Variants in TNS3 observed in about 807,000 individuals in gnomAD.
The protein encoded by TNS3 is tensin-3.
Under a neutral mutation model 140.9 loss-of-function variants are expected in TNS3, and 45 were observed. That is an observed-to-expected ratio of 0.32 (90% CI 0.25 to 0.41). The LOEUF (loss-of-function observed/expected upper bound fraction) is 0.41, where lower values mean the gene tolerates loss of function less well. Among genes scored for constraint, TNS3 ranks in the 10% least tolerant of loss-of-function variants. The probability of loss-of-function intolerance (pLI) is 1.00; values close to 1 mark genes in which losing one functional copy is unlikely to be tolerated. For missense variants in TNS3, 1,716 were observed against 1,906.7 expected (o/e 0.90, Z 1.86); for synonymous variants, 815 against 788.4 (o/e 1.03, Z -0.56).
chr7:47,578,657 A>G (rs1449130630), intron 1 of TNS3, among the ~76,000 whole-genome samples: 2 of 151,780 alleles, frequency 1.3e-5, no homozygotes, highest in Non-Finnish European at 2.9e-5. Flanking sequence ...CAATGGAGAC[A>G]CCCGAGGGAC....
intron 1 of TNS3, among the ~76,000 whole-genome samples, chr7:47,562,709 G>A (rs957399310): frequency 2.0e-5 from 3 of 152,130 alleles, no homozygotes; most frequent in Non-Finnish European, 2.9e-5. Context: ...CTACTGGAGT[G>A]CAACATTTCA....
At chr7:47,423,901 TCACCACAGA>T (rs531158336) in intron 10 of TNS3, among the ~76,000 whole-genome samples, 191 bp downstream of exon 10, 141 of 152,256 alleles carry the variant, frequency 9.3e-4, no homozygotes, top group Non-Finnish European at 1.9e-3. Flanking sequence ...GGGCTGTCTC[TCACCACAGA>T]CACACAGGAT....
At chr7:47,559,699 T>A (rs1800284088) in intron 1 of TNS3, among the ~76,000 whole-genome samples, 1 of 151,918 alleles carries the variant, frequency 6.6e-6, no homozygotes, top group Non-Finnish European at 1.5e-5. Context: ...ATGGCCCCAG[T>A]CTCCCTGGGG....
chr7:47,390,648 C>G (rs766543765), intron 16 of TNS3, among the ~76,000 whole-genome samples: 10 of 152,178 alleles, frequency 6.6e-5, no homozygotes, highest in South Asian at 2.1e-4. Flanking sequence ...GAGCTGCACT[C>G]AAAAAGTCCT....
intron 13 of TNS3, 59 bp downstream of exon 13, chr7:47,411,667 AG>A: frequency 6.6e-7 from 1 of 1,506,782 alleles, no homozygotes; most frequent in Non-Finnish European, 9.1e-7. Flanking sequence ...CATGATTTCA[AG>A]TCATCACCAC....
At chr7:47,414,199 G>T (rs577793817) in intron 11 of TNS3, among the ~76,000 whole-genome samples, 2 of 152,296 alleles carry the variant, frequency 1.3e-5, no homozygotes, top group South Asian at 4.1e-4. Flanking sequence ...GAGCAACACA[G>T]TTTGACCTTT....
chr7:47,582,392 G>A (rs1317332837), upstream of TNS3: 1 of 456,218 alleles, frequency 2.2e-6, no homozygotes, highest in Non-Finnish European at 4.4e-6. Context: ...GTGGTCTGGA[G>A]GCTTGCAGGT....
chr7:47,316,554 G>GTTT (rs113062808), intron 20 of TNS3, among the ~76,000 whole-genome samples: 17 of 143,104 alleles, frequency 1.2e-4, no homozygotes, highest in Non-Finnish European at 1.5e-4. Context: ...GTTTGTTTTT[G>GTTT]TTTTTTTTTT....
intron 27 of TNS3, among the ~76,000 whole-genome samples, chr7:47,291,523 C>T (rs976736881): frequency 6.6e-6 from 1 of 152,070 alleles, no homozygotes; most frequent in African/African-American, 2.4e-5. Flanking sequence ...TTTAAGTGAC[C>T]TGCTCTGTCT....
intron 2 of TNS3, among the ~76,000 whole-genome samples, chr7:47,507,500 G>A (rs1237085960): frequency 6.6e-6 from 1 of 152,158 alleles, no homozygotes; most frequent in East Asian, 1.9e-4. Context: ...GCCAACCTGA[G>A]AACTGACTGT....
At chr7:47,358,515 C>T (rs1048202027) in intron 17 of TNS3, among the ~76,000 whole-genome samples, 10 of 152,186 alleles carry the variant, frequency 6.6e-5, no homozygotes. Flanking sequence ...ACCTTCAGGG[C>T]CACATGGGCT....
Position 47,277,906 on chromosome 7 carries a change from G to A in TNS3, c.*170C>T, listed in dbSNP as rs184589173. ...TCACTTTCAGGAAAGGCCAATTCAC[G>A]GTGATGTTGTTTGTTCTTGTTTTTG... On this transcript the variant is annotated 3_prime_UTR_variant, in exon 31 of 31. Transcript: ENST00000311160. 49 of 784,498 alleles carry A rather than the reference G, an allele frequency of 6.2e-5. No homozygotes were observed. The highest frequency in any genetic ancestry group is 3.9e-4 in the African/African-American group (23 of 58,616). The allele number at this position is 784,498 out of a possible 1,614,324, so 48.6% of individuals were successfully genotyped here.
intron 2 of TNS3, among the ~76,000 whole-genome samples, chr7:47,523,794 C>T (rs1037109094): frequency 4.6e-5 from 7 of 152,252 alleles, no homozygotes; most frequent in African/African-American, 9.6e-5. Flanking sequence ...CCAGTTCTCT[C>T]TGCAAAAAGC....
intron 1 of TNS3, among the ~76,000 whole-genome samples, chr7:47,541,765 G>A (rs543154991): frequency 2.7e-4 from 41 of 152,076 alleles, no homozygotes; most frequent in African/African-American, 9.4e-4. Context: ...TGGCTAACAC[G>A]GTGAAACCCT....
chr7:47,362,121 A>AG (rs1255430902), intron 17 of TNS3, among the ~76,000 whole-genome samples: 1 of 152,196 alleles, frequency 6.6e-6, no homozygotes, highest in Non-Finnish European at 1.5e-5. Flanking sequence ...AGCAGCACCC[A>AG]GGGGCTCTTC....
chr7:47,441,361 A>G (rs774267949), intron 5 of TNS3, among the ~76,000 whole-genome samples: 2 of 152,114 alleles, frequency 1.3e-5, no homozygotes, highest in African/African-American at 2.4e-5. Context: ...TATTTTTAGT[A>G]GAGATGGGGT....
intron 4 of TNS3, among the ~76,000 whole-genome samples, chr7:47,460,306 A>G (rs1027926): frequency 0.68 from 102,864 of 151,258 alleles, 34,939 homozygotes; most frequent in Admixed American, 0.73. Context: ...GAAAACGGCC[A>G]CCTACAAGCC....
At position 47,303,547 on chromosome 7, in the gene TNS3, G is replaced by C; in HGVS notation, c.2860C>G (p.Pro954Ala). Residue 954 changes from proline to alanine, a missense_variant, in exon 22 of 31, where the codon CCC becomes GCC. Coordinates refer to ENST00000311160, the MANE Select transcript of TNS3 (RefSeq NM_022748.12). Reference sequence around the variant, plus strand: ...CCCAGCAGGGAAACCATGGGCTTGGGGCTGCTCTCCACCCACTGGCGTTCT... The same window carrying C: ...CCCAGCAGGGAAACCATGGGCTTGGCGCTGCTCTCCACCCACTGGCGTTCT... The part of the protein sequence containing the change: ...SAERQWVESS[P>A]KPMVSLLGSG... 6.2e-7 allele frequency: 1 copy of C among 1,602,818 alleles called. No homozygotes were observed. Among genetic ancestry groups the C allele is most frequent in the East Asian group, 2.2e-5 (1 of 44,660 alleles).
intron 16 of TNS3, among the ~76,000 whole-genome samples, chr7:47,373,868 C>T (rs976386069): frequency 1.3e-5 from 2 of 152,208 alleles, no homozygotes; most frequent in African/African-American, 2.4e-5. Flanking sequence ...GCAAAACAAG[C>T]AAACGAAGAA....
Sources: gnomAD v4.1 joint callset for allele counts (sites outside exome capture counted in the v4.1 genomes callset) on GRCh38, gnomAD v4.1.1 for gene constraint, MANE v1.5 for transcripts, NCBI Gene and HGNC (gene_info 2026-07-23, HGNC 2026-07-21) for gene names.